Variants in ZFP90 observed in about 807,000 individuals in gnomAD.
ZFP90 encodes ZFP90 zinc finger protein, also known as zinc finger protein 90 homolog.
In ZFP90, 38 loss-of-function variants were observed where a neutral mutation model predicts 60.8. That is an observed-to-expected ratio of 0.62 (90% CI 0.48 to 0.82). ZFP90 has a LOEUF of 0.82. Ranked by LOEUF, ZFP90 falls within the 40% of genes least tolerant of loss-of-function variation. The pLI is 0.00. For synonymous variants in ZFP90, 287 were observed against 264.8 expected (o/e 1.08, Z -0.82); for missense variants, 711 against 759.1 (o/e 0.94, Z 0.74).
chr16:68,564,687 A>C lies in ZFP90; in HGVS notation c.1900A>C (p.Asn634His). The change falls in exon 5 of 5, where the codon AAT (asparagine) becomes CAT (histidine). Residue 634 changes from asparagine (N) to histidine (H), a missense_variant. Asn to His is a moderately conservative substitution (Grantham distance 68, BLOSUM62 1). This residue lies in a region of ZFP90 where 295 missense variants were observed against 274.0 expected (regional missense o/e 1.08). Transcript: ENST00000563169. ...TAAACACCAGAGAATTCATACTCGA[A>C]ATAAACTCTAGGAACCGTGAAATTA... ...LTKHQRIHTRNKL is the reference protein window; with the variant it reads ...LTKHQRIHTRHKL 6.2e-7 allele frequency: 1 copy of C among 1,605,912 alleles called. No individual in the cohort carries two copies.
chr16:68,565,439 A>T lies in ZFP90; in HGVS notation c.*741A>T. 1.0e-6 allele frequency: 1 copy of T among 985,592 alleles called. No individual in the cohort carries two copies. Among genetic ancestry groups the T allele is most frequent in the Non-Finnish European group, 1.2e-6 (1 of 829,948 alleles). 61.1% of individuals were successfully genotyped at this position (985,592 alleles called of 1,614,324 possible). The stretch of plus-strand genomic sequence containing the variant: ...TTCTTAAAAGTATAAGTGGGAGCAA[A>T]ATGTATGCAAATTTATCACAAACTA... On this transcript the variant is annotated 3_prime_UTR_variant, in exon 5 of 5. Transcript: ENST00000563169.
At chr16:68,572,460 C>CA (rs975242899) in intron 2 of ZFP90, among the ~76,000 whole-genome samples, 1 of 152,174 alleles carries the variant, frequency 6.6e-6, no homozygotes, top group Non-Finnish European at 1.5e-5. Flanking sequence ...AACAAAATGT[C>CA]ACATTCCTCT....
intron 4 of ZFP90, among the ~76,000 whole-genome samples, chr16:68,560,564 T>TATTA (rs2091424213): frequency 6.6e-6 from 1 of 152,002 alleles, no homozygotes; most frequent in Non-Finnish European, 1.5e-5. Flanking sequence ...TTTATTTATT[T>TATTA]ATTTATTTTG....
Position 68,564,638 on chromosome 16 carries a change from C to T in ZFP90, c.1851C>T (p.Asn617=), listed in dbSNP as rs1407013924. The T allele has an allele frequency of 1.2e-6, 2 of 1,613,878 alleles. 1 individual carries two copies. The highest frequency in any genetic ancestry group is 3.3e-5 in the Admixed American group (2 of 59,982). ...ATTCTTGTAAGGAATGTGGGAAAAACTTCAGCCGAAGTTCAGCTCTTACTA... is the reference window on the plus strand; with the variant it reads ...ATTCTTGTAAGGAATGTGGGAAAAATTTCAGCCGAAGTTCAGCTCTTACTA... ...KPYSCKECGK[N]FSRSSALTKH... Residue 617 remains asparagine, a synonymous_variant, in exon 5 of 5, where the codon AAC becomes AAT. Transcript: ENST00000563169.
intron 2 of ZFP90, among the ~76,000 whole-genome samples, chr16:68,574,608 T>C (rs1170439): frequency 0.78 from 118,221 of 152,068 alleles, 46,022 homozygotes; most frequent in East Asian, 0.82. Context: ...TCTGCTTTTG[T>C]CTGGAGGCAT....
chr16:68,567,833 A>T (rs1029216952), downstream of ZFP90, among the ~76,000 whole-genome samples: 2 of 152,210 alleles, frequency 1.3e-5, no homozygotes, highest in Admixed American at 6.5e-5. Flanking sequence ...GCGCACCTCC[A>T]TGGAAGATGA....
intron 2 of ZFP90, among the ~76,000 whole-genome samples, chr16:68,542,608 AAAAC>A (rs2091071809): frequency 6.6e-6 from 1 of 152,078 alleles, no homozygotes; most frequent in Admixed American, 6.6e-5. Context: ...CCAACCCCAA[AAAAC>A]AAAAGGGAGA....
At position 68,565,036 on chromosome 16, in the gene ZFP90, CA is replaced by C. The variant is rs1442533711; in HGVS notation, c.*341del. 2.9e-6 allele frequency: 3 copies of C among 1,018,032 alleles called. No homozygotes were observed. In the African/African-American group the frequency reaches 5.1e-5, roughly 17 times the overall value. The allele number at this position is 1,018,032 out of a possible 1,614,324, so 63.1% of individuals were successfully genotyped here. ...CAATGTCAACAGCTTTTTTAAAAAGCAAATTCCTGCAGTAATGACCAAAACC... is the reference window on the plus strand; with the variant it reads ...CAATGTCAACAGCTTTTTTAAAAAGCAATTCCTGCAGTAATGACCAAAACC... On this transcript the variant is annotated 3_prime_UTR_variant, in exon 5 of 5. Transcript: ENST00000563169.
chr16:68,574,234 A>G (rs2091582067), intron 2 of ZFP90: 1 of 97,972 alleles, frequency 1.0e-5, no homozygotes, highest in Non-Finnish European at 2.2e-5. Context: ...CTGAAAAAAA[A>G]AAAAAAAAAA....
At chr16:68,547,162 T>C (rs1034652591) in intron 2 of ZFP90, among the ~76,000 whole-genome samples, 3 of 152,294 alleles carry the variant, frequency 2.0e-5, no homozygotes, top group African/African-American at 7.2e-5. Flanking sequence ...GGTCATACGG[T>C]AATTTTTTTC....
chr16:68,540,714 G>T (rs2091027614), intron 2 of ZFP90, among the ~76,000 whole-genome samples: 1 of 149,120 alleles, frequency 6.7e-6, no homozygotes, highest in African/African-American at 2.5e-5. Flanking sequence ...GGTCACACCT[G>T]TAAGTCCAGC....
At chr16:68,572,107 G>T (rs999074073), downstream of ZFP90, among the ~76,000 whole-genome samples, 3 of 151,980 alleles carry the variant, frequency 2.0e-5, no homozygotes, top group Non-Finnish European at 4.4e-5. Context: ...CTGGGCTCAA[G>T]TGATCCTCTG....
chr16:68,540,517 A>T (rs1420118277), intron 2 of ZFP90, among the ~76,000 whole-genome samples: 1 of 152,196 alleles, frequency 6.6e-6, no homozygotes, highest in Non-Finnish European at 1.5e-5. Flanking sequence ...ATTTTCTAGA[A>T]GCGTCACAAC....
exon 3 of ZFP90, chr16:68,575,830 G>T (rs573165391): frequency 5.0e-6 from 2 of 398,414 alleles, no homozygotes; most frequent in South Asian, 2.5e-4. Flanking sequence ...CCATCTGGGA[G>T]TAAGGGCGAA....
At chr16:68,557,499 TA>T (rs1257288263) in intron 2 of ZFP90, among the ~76,000 whole-genome samples, 3 of 152,006 alleles carry the variant, frequency 2.0e-5, no homozygotes, top group African/African-American at 7.2e-5. Context: ...TGGTATTTCA[TA>T]AAACAAGATT....
chr16:68,549,299 T>C (rs1300692018), intron 2 of ZFP90, among the ~76,000 whole-genome samples: 1 of 152,198 alleles, frequency 6.6e-6, no homozygotes, highest in African/African-American at 2.4e-5. Flanking sequence ...AGACCCTCCA[T>C]GCATGGACAA....
intron 2 of ZFP90, among the ~76,000 whole-genome samples, chr16:68,554,393 C>T (rs950607653): frequency 6.6e-6 from 1 of 152,138 alleles, no homozygotes; most frequent in Non-Finnish European, 1.5e-5. Flanking sequence ...CCACCCGCCT[C>T]AGCCCCCTAA....
At position 68,563,316 on chromosome 16, in the gene ZFP90, C is replaced by G. The variant is rs188915063; in HGVS notation, c.529C>G (p.Pro177Ala). The G allele has an allele frequency of 2.5e-6, 4 of 1,614,114 alleles. No homozygotes were observed. In the South Asian group the frequency reaches 4.4e-5, roughly 18 times the overall value. ...CAATTTGGTTACACAACTGAACATT[C>G]CTGCAAGAATAAGGCCTAGTGAATG... ...NTNLVTQLNIPARIRPSECET... is the reference protein window; with the variant it reads ...NTNLVTQLNIAARIRPSECET... Residue 177 changes from proline (P) to alanine (A), a missense_variant, in exon 5 of 5, where the codon CCT becomes GCT. By Grantham distance (27) the Pro-to-Ala change is conservative. This residue lies in a region of ZFP90 where 241 missense variants were observed against 247.6 expected (regional missense o/e 0.97). Transcript: ENST00000563169.
chr16:68,564,739 A>G lies in ZFP90; in HGVS notation c.*41A>G, dbSNP rs2091497875. 4 of 1,554,222 alleles carry G rather than the reference A, an allele frequency of 2.6e-6. No individual in the cohort carries two copies. Among genetic ancestry groups the G allele is most frequent in the Non-Finnish European group, 3.5e-6 (4 of 1,155,620 alleles). ...GGAATTTGCAGAATGCTTTAGCTAA[A>G]ATGTTCTGATTCAGGATCAGAGGAT... On this transcript the variant is annotated 3_prime_UTR_variant, in exon 5 of 5. Coordinates refer to ENST00000563169, the MANE Select transcript of ZFP90 (RefSeq NM_001305203.2).
Sources: gnomAD v4.1 joint callset for allele counts (sites outside exome capture counted in the v4.1 genomes callset) on GRCh38, gnomAD v4.1.1 for gene constraint, gnomAD v4.1.1 regional missense constraint, MANE v1.5 for transcripts, NCBI Gene and HGNC (gene_info 2026-07-23, HGNC 2026-07-21) for gene names.